GPATCH8: variants seen among roughly 807,000 people sequenced by gnomAD.
GPATCH8 encodes G patch domain-containing protein 8.
A neutral mutation model predicts 118.3 loss-of-function variants in GPATCH8; 18 were observed. That is an observed-to-expected ratio of 0.15 (90% confidence interval 0.11 to 0.23). GPATCH8 has a LOEUF of 0.23. Ranked by LOEUF, GPATCH8 falls within the 10% of genes least tolerant of loss-of-function variation. The pLI is 1.00. For missense variants in GPATCH8, 1,631 were observed against 1,873.8 expected (o/e 0.87, Z 2.39); for synonymous variants, 659 against 684.7 (o/e 0.96, Z 0.59).
intron 1 of GPATCH8, among the ~76,000 whole-genome samples, chr17:44,502,241 C>T (rs1177461154): frequency 1.3e-5 from 2 of 152,138 alleles, no homozygotes; most frequent in Non-Finnish European, 2.9e-5. Flanking sequence ...CCTTCTGAAA[C>T]ACATCTAGAG....
chr17:44,493,557 G>C (rs1188782936), intron 1 of GPATCH8, among the ~76,000 whole-genome samples: 1 of 152,084 alleles, frequency 6.6e-6, no homozygotes, highest in East Asian at 1.9e-4. Context: ...ATACCTTGAA[G>C]AGAGGCCAAT....
chr17:44,440,925 A>T (rs988358384), intron 3 of GPATCH8, among the ~76,000 whole-genome samples: 1 of 152,114 alleles, frequency 6.6e-6, no homozygotes, highest in Non-Finnish European at 1.5e-5. Flanking sequence ...ATCTCGGCTC[A>T]CTGCAACCTC....
chr17:44,406,986 G>A (rs547641476), intron 6 of GPATCH8, among the ~76,000 whole-genome samples: 26 of 152,114 alleles, frequency 1.7e-4, no homozygotes, highest in Admixed American at 3.3e-4. Flanking sequence ...CAAACAAAAC[G>A]AAACATATAC....
intron 3 of GPATCH8, among the ~76,000 whole-genome samples, chr17:44,452,054 C>G (rs371422231): frequency 2.6e-5 from 4 of 151,680 alleles, no homozygotes; most frequent in African/African-American, 9.7e-5. Context: ...GCGGATTGCC[C>G]GAGGTCAGGA....
rs1279572030 is a variant in GPATCH8 at position 44,403,488 on chromosome 17, G to A, written c.624-2035C>T. On this transcript the variant is annotated intron_variant, in intron 7 of 7. Coordinates refer to ENST00000591680, the MANE Select transcript of GPATCH8 (RefSeq NM_001002909.4). The stretch of plus-strand genomic sequence containing the variant: ...CCTGCCTCTGTGTCACAAAGTGCTG[G>A]GATTACAGATGTGAGCCACTGCGCA... Among the ~76,000 whole-genome samples the A allele has an allele frequency of 1.3e-5, 2 of 152,078 alleles. 1 individual carries two copies.
chr17:44,461,485 T>C (rs1200118522), intron 3 of GPATCH8, among the ~76,000 whole-genome samples: 1 of 152,080 alleles, frequency 6.6e-6, no homozygotes, highest in Non-Finnish European at 1.5e-5. Context: ...CACCCGGCTA[T>C]GTTATCCGTT....
rs868495311 is a variant in GPATCH8 at position 44,422,575 on chromosome 17, C to T, written c.492+1774G>A. Among the ~76,000 whole-genome samples, 7 of 151,800 alleles carry T rather than the reference C, an allele frequency of 4.6e-5. No individual in the cohort carries two copies. The East Asian group carries it at 1.2e-3, about 25-fold the overall frequency. On this transcript the variant is annotated intron_variant, in intron 6 of 7. Transcript: ENST00000591680. ...TGCGATCTCGGCTCACTGCAAGCTC[C>T]GCCTCCCGGGTTCACGCCATTCTCC...
intron 1 of GPATCH8, among the ~76,000 whole-genome samples, chr17:44,482,252 G>A (rs528634257): frequency 3.3e-5 from 5 of 152,112 alleles, no homozygotes; most frequent in East Asian, 3.9e-4. Flanking sequence ...AAAGCATTAC[G>A]ACAAATACCT....
chr17:44,400,958 T>C lies in GPATCH8; in HGVS notation c.1119A>G (p.Thr373=). The change falls in exon 8 of 8, where the codon ACA becomes ACG. Residue 373 remains threonine (T), a synonymous_variant. Coordinates refer to ENST00000591680, the MANE Select transcript of GPATCH8 (RefSeq NM_001002909.4). ...GTTTCATCCTTTTTAATTTGGATAA[T>C]GTTGAGGCAAGGGACCCTCCATCCT... is the stretch of plus-strand genomic sequence containing the variant. ...DPQDGGSLAS[T]LSKLKRMKRE... 1.2e-6 allele frequency: 2 copies of C among 1,614,198 alleles called. No individual in the cohort carries two copies. Among genetic ancestry groups the C allele is most frequent in the African/African-American group, 1.3e-5 (1 of 75,058 alleles).
At chr17:44,464,346 T>C (rs1056014469) in intron 3 of GPATCH8, 126 bp downstream of exon 3, 24 of 766,202 alleles carry the variant, frequency 3.1e-5, no homozygotes, top group African/African-American at 5.1e-5. Flanking sequence ...CAGACTACTC[T>C]AAGGGGAAAA....
intron 3 of GPATCH8, among the ~76,000 whole-genome samples, chr17:44,461,552 T>C (rs1302294720): frequency 6.6e-6 from 1 of 152,200 alleles, no homozygotes; most frequent in African/African-American, 2.4e-5. Flanking sequence ...TCCCTTGAAT[T>C]TTTAAATGAA....
chr17:44,401,098 T>G lies in GPATCH8; in HGVS notation c.979A>C (p.Thr327Pro), dbSNP rs2049003749. ...SVFKDHAEEG[T>P]SEDGTKPDEK... ...TCGGGTTTTGTTCCATCTTCAGAGG[T>G]CCCTTCCTCCGCATGGTCCTTGAAA... The change falls in exon 8 of 8, where the codon ACC becomes CCC. Residue 327 changes from threonine to proline, a missense_variant. Physicochemically the swap from Thr to Pro is conservative, Grantham distance 38 (BLOSUM62 -1). This residue lies in a region of GPATCH8 where 405 missense variants were observed against 462.7 expected (regional missense o/e 0.88). Transcript: ENST00000591680. The G allele has an allele frequency of 4.3e-6, 7 of 1,614,068 alleles. No individual in the cohort carries two copies. In the Middle Eastern group the frequency reaches 4.9e-4, roughly 114 times the overall value.
intron 3 of GPATCH8, among the ~76,000 whole-genome samples, chr17:44,457,712 T>C (rs2051386630): frequency 1.3e-5 from 2 of 152,108 alleles, no homozygotes; most frequent in South Asian, 4.1e-4. Flanking sequence ...GGTGGGAGGA[T>C]CACATGAGCC....
At chr17:44,502,100 T>A (rs2144514686) in intron 1 of GPATCH8, among the ~76,000 whole-genome samples, 1 of 152,294 alleles carries the variant, frequency 6.6e-6, no homozygotes, top group Middle Eastern at 3.4e-3. Flanking sequence ...CCAGATCCCT[T>A]ACTGCTGCAA....
At chr17:44,414,077 A>G (rs76557087) in intron 6 of GPATCH8, among the ~76,000 whole-genome samples, 222 of 124,652 alleles carry the variant, frequency 1.8e-3, no homozygotes, top group Middle Eastern at 8.8e-3. Flanking sequence ...ATATATATAT[A>G]TATGTGTGTG....
At chr17:44,402,012 T>TAA (rs72141515) in intron 7 of GPATCH8, among the ~76,000 whole-genome samples, 4 of 88,602 alleles carry the variant, frequency 4.5e-5, no homozygotes, top group African/African-American at 1.4e-4. Context: ...TCAAAAAAAT[T>TAA]AAAAAAAAAA....
chr17:44,432,623 T>C (rs1301544554), intron 5 of GPATCH8, among the ~76,000 whole-genome samples: 1 of 152,098 alleles, frequency 6.6e-6, no homozygotes, highest in Non-Finnish European at 1.5e-5. Flanking sequence ...CAAAGTGCTG[T>C]GAGAGGTAAA....
chr17:44,453,500 G>GGGGT (rs1222816424), intron 3 of GPATCH8, among the ~76,000 whole-genome samples: 3 of 142,702 alleles, frequency 2.1e-5, no homozygotes, highest in South Asian at 2.2e-4. Flanking sequence ...GGTAGGTAGG[G>GGGGT]GTGTGTGTGT....
intron 3 of GPATCH8, among the ~76,000 whole-genome samples, chr17:44,454,392 G>A (rs1053975728): frequency 1.3e-5 from 2 of 152,124 alleles, no homozygotes; most frequent in Admixed American, 1.3e-4. Context: ...TGAGTAGCTA[G>A]GACTACAGGC....
Sources: allele counts gnomAD v4.1 joint callset (sites outside exome capture counted in the v4.1 genomes callset), GRCh38; gene constraint gnomAD v4.1.1; regional missense constraint gnomAD v4.1.1; transcripts MANE v1.5; gene names NCBI Gene and HGNC (gene_info 2026-07-23, HGNC 2026-07-21).